The following DIPK1A variants were observed in gnomAD, a reference collection of about 807,000 sequenced individuals.
DIPK1A encodes the protein family with sequence similarity 69 member A.
DIPK1A carries 27 observed loss-of-function variants against 40.8 expected under a neutral mutation model. That is an observed-to-expected ratio of 0.66 (90% CI 0.49 to 0.91). The LOEUF (loss-of-function observed/expected upper bound fraction) is 0.91, where lower values mean the gene tolerates loss of function less well. DIPK1A is among the 40% of genes least tolerant of loss of function. DIPK1A has a pLI of 0.00. For synonymous variants in DIPK1A, 166 were observed against 171.3 expected, an observed-to-expected ratio of 0.97 and a Z score of 0.24; for missense variants, 412 against 505.7, an observed-to-expected ratio of 0.81 and a Z score of 1.78.
At chr1:92,861,490 C>A (rs764026447) in intron 2 of DIPK1A, among the ~76,000 whole-genome samples, 3 of 151,692 alleles carry the variant, frequency 2.0e-5, no homozygotes, top group Non-Finnish European at 4.4e-5. Context: ...CCAGGCATGG[C>A]CAAATTTTGT....
intron 1 of DIPK1A, chr1:92,932,491 ACTGT>A (rs1223285855): frequency 6.6e-6 from 1 of 152,212 alleles, no homozygotes; most frequent in Admixed American, 6.5e-5. Context: ...AATGTACTGA[ACTGT>A]CTTTTACCTG....
At chr1:92,946,882 G>A (rs1222664143) in intron 1 of DIPK1A, among the ~76,000 whole-genome samples, 1 of 151,436 alleles carries the variant, frequency 6.6e-6, no homozygotes, top group African/African-American at 2.4e-5. Context: ...ATGTTGAAGC[G>A]GCAGTGAGCT....
At chr1:92,885,368 A>C (rs1648549921) in intron 1 of DIPK1A, among the ~76,000 whole-genome samples, 1 of 152,006 alleles carries the variant, frequency 6.6e-6, no homozygotes, top group African/African-American at 2.4e-5. Flanking sequence ...GAAAGTGACT[A>C]TCTAATTCAT....
intron 1 of DIPK1A, among the ~76,000 whole-genome samples, chr1:92,941,912 C>T (rs1651164711): frequency 6.6e-6 from 1 of 151,864 alleles, no homozygotes; most frequent in Non-Finnish European, 1.5e-5. Context: ...ATTGCTTGAA[C>T]CCAGGAGGCG....
chr1:92,919,969 T>G (rs1274104109), intron 1 of DIPK1A, among the ~76,000 whole-genome samples: 2 of 152,236 alleles, frequency 1.3e-5, no homozygotes, highest in Non-Finnish European at 2.9e-5. Context: ...TCTATTGTGT[T>G]GTACACAAGT....
At chr1:92,940,205 G>C (rs1651099076) in intron 1 of DIPK1A, among the ~76,000 whole-genome samples, 1 of 152,124 alleles carries the variant, frequency 6.6e-6, no homozygotes, top group Non-Finnish European at 1.5e-5. Flanking sequence ...TCTGGGAGTA[G>C]AGATGAGTGT....
intron 2 of DIPK1A, among the ~76,000 whole-genome samples, chr1:92,869,150 C>CATT (rs1235927428): frequency 1.8e-5 from 1 of 55,568 alleles, no homozygotes; most frequent in Non-Finnish European, 3.2e-5. Flanking sequence ...ATAAATATTA[C>CATT]ACTATTATTA....
At chr1:92,848,381 C>T (rs1016201268) in intron 3 of DIPK1A, among the ~76,000 whole-genome samples, 4 of 152,102 alleles carry the variant, frequency 2.6e-5, no homozygotes, top group African/African-American at 9.7e-5. Flanking sequence ...GATCTTGTAC[C>T]ACGTACTCCG....
At chr1:92,834,991 G>A (rs1311786803) in intron 4 of DIPK1A, 3 of 1,584,634 alleles carry the variant, frequency 1.9e-6, no homozygotes, top group Non-Finnish European at 2.6e-6. Flanking sequence ...TTTGTACATG[G>A]ATAAGATAGC....
rs1648139366 is a variant in DIPK1A, at chr1:92,876,595, T to C, written c.55-165A>G. ...CACTTTCACTGAGTCCAAACAGCACTGGTCTTAGAAAAGGAAGCTCCTTGG... is the reference window on the plus strand; with the variant it reads ...CACTTTCACTGAGTCCAAACAGCACCGGTCTTAGAAAAGGAAGCTCCTTGG... On this transcript the variant is annotated intron_variant, in intron 1 of 4. Transcript: ENST00000370310. 4 of 651,810 alleles carry C rather than the reference T, an allele frequency of 6.1e-6. No homozygotes were observed. In the East Asian group the frequency reaches 1.2e-4, roughly 19 times the overall value. The allele number at this position is 651,810 out of a possible 1,614,324, so 40.4% of individuals were successfully genotyped here.
chr1:92,894,701 C>G (rs1257714411), intron 1 of DIPK1A, among the ~76,000 whole-genome samples: 1 of 152,004 alleles, frequency 6.6e-6, no homozygotes, highest in Non-Finnish European at 1.5e-5. Context: ...TTCAAAAATT[C>G]AATGAATCCA....
chr1:92,909,666 C>G (rs1649754897), intron 1 of DIPK1A, among the ~76,000 whole-genome samples: 1 of 152,144 alleles, frequency 6.6e-6, no homozygotes, highest in Non-Finnish European at 1.5e-5. Context: ...CGAAGATGTT[C>G]TGATTATTGG....
intron 1 of DIPK1A, among the ~76,000 whole-genome samples, chr1:92,888,957 C>A (rs1254000920): frequency 6.6e-6 from 1 of 152,136 alleles, no homozygotes; most frequent in East Asian, 1.9e-4. Flanking sequence ...TTCTCTCATT[C>A]TGCACGTTGT....
At chr1:92,958,598 C>T (rs1264229526) in intron 1 of DIPK1A, among the ~76,000 whole-genome samples, 1 of 152,130 alleles carries the variant, frequency 6.6e-6, no homozygotes, top group Non-Finnish European at 1.5e-5. Flanking sequence ...ATAGTTATAC[C>T]CTCACTCTAA....
At chr1:92,868,492 C>T (rs1647672587) in intron 2 of DIPK1A, among the ~76,000 whole-genome samples, 1 of 152,216 alleles carries the variant, frequency 6.6e-6, no homozygotes, top group African/African-American at 2.4e-5. Context: ...TTCCTCTCAT[C>T]ACCTTCCAAT....
chr1:92,907,297 C>T (rs1226757580), intron 1 of DIPK1A, among the ~76,000 whole-genome samples: 1 of 152,040 alleles, frequency 6.6e-6, no homozygotes, highest in Non-Finnish European at 1.5e-5. Flanking sequence ...GTGTTTTATT[C>T]TGCAGTATTG....
intron 1 of DIPK1A, among the ~76,000 whole-genome samples, chr1:92,879,879 T>C (rs911693173): frequency 1.4e-5 from 2 of 146,838 alleles, no homozygotes; most frequent in African/African-American, 5.5e-5. Context: ...CTATTCACAA[T>C]GACTGCCCAG....
chr1:92,859,282 C>CAACACCCTCTCCCGTT (rs1553125402), intron 2 of DIPK1A, among the ~76,000 whole-genome samples: 3 of 152,132 alleles, frequency 2.0e-5, no homozygotes, highest in Non-Finnish European at 4.4e-5. Flanking sequence ...CGTCTCTCGT[C>CAACACCCTCTCCCGTT]AACACCCTCT....
At chr1:92,911,638 G>A (rs1649828521) in intron 1 of DIPK1A, among the ~76,000 whole-genome samples, 2 of 152,062 alleles carry the variant, frequency 1.3e-5, no homozygotes, top group South Asian at 2.1e-4. Context: ...TTTATATGAA[G>A]GTTTTTATGT....
Sources: gnomAD v4.1 joint callset for allele counts (sites outside exome capture counted in the v4.1 genomes callset) on GRCh38, gnomAD v4.1.1 for gene constraint, MANE v1.5 for transcripts, NCBI Gene and HGNC (gene_info 2026-07-23, HGNC 2026-07-21) for gene names.